RABGAP1L: variants seen among roughly 807,000 people sequenced by gnomAD.
RABGAP1L encodes rab GTPase-activating protein 1-like.
Under a neutral mutation model 137.7 loss-of-function variants are expected in RABGAP1L, and 63 were observed. The ratio of observed to expected loss-of-function variants is 0.46; its 90% CI spans 0.37 to 0.56. RABGAP1L has a LOEUF of 0.56. RABGAP1L is among the 20% of genes least tolerant of loss of function. The pLI is 0.00. For synonymous variants in RABGAP1L, 431 were observed against 433.7 expected (o/e 0.99, Z 0.08); for missense variants, 1,095 against 1,244.0 (o/e 0.88, Z 1.80).
At chr1:174,455,988 T>C (rs987234110) in intron 13 of RABGAP1L, among the ~76,000 whole-genome samples, 3 of 152,106 alleles carry the variant, frequency 2.0e-5, no homozygotes, top group African/African-American at 7.2e-5. Flanking sequence ...TTGAATAATG[T>C]ATTTATAGAT....
intron 13 of RABGAP1L, among the ~76,000 whole-genome samples, chr1:174,559,492 C>T (rs542117858): frequency 6.6e-6 from 1 of 152,256 alleles, no homozygotes; most frequent in African/African-American, 2.4e-5. Context: ...GGACTGGTAA[C>T]ATATTAAGAA....
At chr1:174,813,840 G>A (rs1457097875) in intron 19 of RABGAP1L, among the ~76,000 whole-genome samples, 2 of 152,048 alleles carry the variant, frequency 1.3e-5, no homozygotes, top group Non-Finnish European at 1.5e-5. Flanking sequence ...TGATTGTTTC[G>A]GAGATGCCAG....
intron 3 of RABGAP1L, among the ~76,000 whole-genome samples, chr1:174,222,360 G>A (rs538780722): frequency 5.9e-5 from 9 of 152,166 alleles, no homozygotes; most frequent in Non-Finnish European, 1.3e-4. Context: ...GTAAGTATAG[G>A]TATAGCCAAA....
chr1:174,401,674 G>T (rs946404920), intron 13 of RABGAP1L, among the ~76,000 whole-genome samples: 1 of 152,104 alleles, frequency 6.6e-6, no homozygotes, highest in African/African-American at 2.4e-5. Flanking sequence ...TGTATCAGAG[G>T]CTATGCTAAG....
intron 14 of RABGAP1L, among the ~76,000 whole-genome samples, chr1:174,672,281 C>CTTTT (rs1256381168): frequency 9.3e-5 from 11 of 118,382 alleles, no homozygotes; most frequent in Admixed American, 2.6e-4. Context: ...TTTTTCCTTT[C>CTTTT]TTTTTTTTTT....
rs1240743496 is a variant in RABGAP1L, at chr1:174,434,700, G to A, written c.1710+40555G>A. Among the ~76,000 whole-genome samples the A allele has an allele frequency of 4.6e-5, 7 of 152,200 alleles. No individual in the cohort carries two copies. The East Asian group carries it at 7.7e-4, about 17-fold the overall frequency. ...GGTATCTCATTGTGGGTGTATATTG[G>A]TATCTCATCTATTTTGCCTTTTCCT... On this transcript the variant is annotated intron_variant, in intron 13 of 25. Coordinates refer to ENST00000681986, the MANE Select transcript of RABGAP1L (RefSeq NM_001366446.1).
chr1:174,599,933 T>A (rs775627857), intron 13 of RABGAP1L, among the ~76,000 whole-genome samples: 4 of 152,178 alleles, frequency 2.6e-5, no homozygotes, highest in South Asian at 2.1e-4. Context: ...GGTCTACCTC[T>A]CACTACCTCC....
At chr1:174,547,811 A>G in intron 13 of RABGAP1L, 1 of 1,482,074 alleles carries the variant, frequency 6.7e-7, no homozygotes, top group Non-Finnish European at 9.2e-7. Context: ...GTATTTGAAA[A>G]TAATCATATT....
chr1:174,965,076 A>G, intron 20 of RABGAP1L: 1 of 918,556 alleles, frequency 1.1e-6, no homozygotes, highest in Non-Finnish European at 1.6e-6. Flanking sequence ...GTTACTAACC[A>G]AACTTTCCCA....
chr1:174,835,684 A>C (rs929670930), intron 19 of RABGAP1L, among the ~76,000 whole-genome samples: 2 of 152,212 alleles, frequency 1.3e-5, no homozygotes, highest in African/African-American at 4.8e-5. Context: ...ATAAGATGAT[A>C]ATAAAACTCT....
intron 14 of RABGAP1L, among the ~76,000 whole-genome samples, chr1:174,669,328 C>T (rs2148442359): frequency 6.6e-6 from 1 of 152,194 alleles, no homozygotes; most frequent in East Asian, 1.9e-4. Flanking sequence ...TCCCTTGGCA[C>T]GTGGGGATTT....
At chr1:174,253,269 T>C (rs1672863190) in intron 7 of RABGAP1L, among the ~76,000 whole-genome samples, 3 of 152,164 alleles carry the variant, frequency 2.0e-5, no homozygotes, top group Non-Finnish European at 1.5e-5. Context: ...ATGCGAATTA[T>C]AGTAACCTTA....
intron 1 of RABGAP1L, among the ~76,000 whole-genome samples, chr1:174,179,595 G>A (rs1666191924): frequency 1.3e-5 from 2 of 151,540 alleles, no homozygotes; most frequent in Non-Finnish European, 1.5e-5. Context: ...TTTTAACTGA[G>A]CATATATGGT....
At chr1:174,363,527 A>G (rs1684320448) in intron 11 of RABGAP1L, among the ~76,000 whole-genome samples, 1 of 151,974 alleles carries the variant, frequency 6.6e-6, no homozygotes, top group Non-Finnish European at 1.5e-5. Context: ...CCTAGGTTGA[A>G]TGTCCTTTAT....
intron 14 of RABGAP1L, among the ~76,000 whole-genome samples, chr1:174,638,968 A>G (rs1465261090): frequency 4.1e-5 from 6 of 147,404 alleles, no homozygotes; most frequent in Non-Finnish European, 7.5e-5. Context: ...GCGCACCAGC[A>G]TGGCACATGT....
At chr1:174,497,613 C>A (rs997881238) in intron 13 of RABGAP1L, among the ~76,000 whole-genome samples, 8 of 152,098 alleles carry the variant, frequency 5.3e-5, no homozygotes, top group Non-Finnish European at 1.0e-4. Context: ...GTCTTTCTGG[C>A]ACACTGATTC....
At position 174,831,287 on chromosome 1, in the gene RABGAP1L, A is replaced by G. The variant is rs749037252; in HGVS notation, c.2340+19327A>G. Among the ~76,000 whole-genome samples the G allele has an allele frequency of 2.0e-5, 3 of 148,240 alleles. 1 individual carries two copies. Among genetic ancestry groups the G allele is most frequent in the Non-Finnish European group, 4.5e-5 (3 of 66,678 alleles). Reference sequence around the variant, plus strand: ...CTAAGAGAGTACTCCGAGTCTCCCAAAGTACCTACATTCTTAGCCAAGATA... The same window carrying G: ...CTAAGAGAGTACTCCGAGTCTCCCAGAGTACCTACATTCTTAGCCAAGATA... On this transcript the variant is annotated intron_variant, in intron 19 of 25. Coordinates refer to ENST00000681986, the MANE Select transcript of RABGAP1L (RefSeq NM_001366446.1).
At chr1:174,729,596 C>T (rs924823711) in intron 17 of RABGAP1L, among the ~76,000 whole-genome samples, 4 of 152,076 alleles carry the variant, frequency 2.6e-5, no homozygotes, top group African/African-American at 7.2e-5. Flanking sequence ...TACATAGAAT[C>T]TATAAGGAAC....
chr1:174,513,489 C>G (rs1662537962), intron 13 of RABGAP1L, among the ~76,000 whole-genome samples: 1 of 152,070 alleles, frequency 6.6e-6, no homozygotes, highest in Non-Finnish European at 1.5e-5. Flanking sequence ...TGATACATGC[C>G]TGTAGTCCAG....
Sources: gnomAD v4.1 joint callset for allele counts (sites outside exome capture counted in the v4.1 genomes callset) on GRCh38, gnomAD v4.1.1 for gene constraint, MANE v1.5 for transcripts, NCBI Gene and HGNC (gene_info 2026-07-23, HGNC 2026-07-21) for gene names.